ARHGAP5: variants seen among roughly 807,000 people sequenced by gnomAD.
ARHGAP5 encodes Rho GTPase activating protein 5.
A neutral mutation model predicts 116.6 loss-of-function variants in ARHGAP5; 23 were observed. The observed-to-expected ratio is 0.20, with a 90% CI of 0.14 to 0.28. The LOEUF is 0.28. Ranked by LOEUF, ARHGAP5 falls within the 10% of genes least tolerant of loss-of-function variation. The pLI is 1.00. For synonymous variants in ARHGAP5, 574 were observed against 602.0 expected, an observed-to-expected ratio of 0.95 and a Z score of 0.68; for missense variants, 1,405 against 1,774.8, an observed-to-expected ratio of 0.79 and a Z score of 3.74.
chr14:32,147,690 C>G (rs1043877746), intron 4 of ARHGAP5, among the ~76,000 whole-genome samples: 1 of 152,040 alleles, frequency 6.6e-6, no homozygotes, highest in Admixed American at 6.6e-5. Flanking sequence ...GGGGGTACCA[C>G]TCAGGTCTAA....
rs770072111 is a variant in ARHGAP5, at chr14:32,092,807, T to G, written c.2138T>G (p.Ile713Ser). 1 of 1,614,084 alleles carries G rather than the reference T, an allele frequency of 6.2e-7. No individual in the cohort carries two copies. Among genetic ancestry groups the G allele is most frequent in the Admixed American group, 1.7e-5 (1 of 60,010 alleles). Residue 713 changes from isoleucine (I) to serine (S), a missense_variant, in exon 2 of 7, where the codon ATT becomes AGT. Transcript: ENST00000345122. This position sits in a 1 kb window ranked among gnomAD's most constrained non-coding sequence, Gnocchi z 4.1. ...QRDSISKNLPILRHQGQQLAN... is the reference protein window; with the variant it reads ...QRDSISKNLPSLRHQGQQLAN... ...GATTCCATTAGTAAGAATCTACCAA[T>G]TCTCAGGCACCAAGGGCAGCAGTTG...
rs1310161678 is a variant in ARHGAP5 at position 32,093,955 on chromosome 14, G to A, written c.3286G>A (p.Asp1096Asn). 1.2e-6 allele frequency: 2 copies of A among 1,613,908 alleles called. No homozygotes were observed. Among genetic ancestry groups the A allele is most frequent in the Admixed American group, 3.3e-5 (2 of 59,962 alleles). Residue 1096 changes from aspartate (D) to asparagine (N), a missense_variant, in exon 2 of 7, where the codon GAT becomes AAT. By Grantham distance (23) the Asp-to-Asn change is conservative (BLOSUM62 1). Coordinates refer to ENST00000345122, the MANE Select transcript of ARHGAP5 (RefSeq NM_001030055.2). ...DPSDNYAEPI[D>N]TIFKQKGYSD... ...TTCAGATAACTATGCGGAACCCATT[G>A]ATACAATTTTCAAACAGAAGGGCTA... is the stretch of plus-strand genomic sequence containing the variant.
At chr14:32,134,143 A>T (rs1461576182) in intron 3 of ARHGAP5, among the ~76,000 whole-genome samples, 1 of 152,186 alleles carries the variant, frequency 6.6e-6, no homozygotes, top group Non-Finnish European at 1.5e-5. Flanking sequence ...TGGGCTTGTC[A>T]TACTTCTTTA....
chr14:32,081,279 A>G (rs147236060), intron 1 of ARHGAP5, among the ~76,000 whole-genome samples: 1 of 152,358 alleles, frequency 6.6e-6, no homozygotes, highest in African/African-American at 2.4e-5. Context: ...AAAGTTATTT[A>G]GCTAAAGGAA....
In ARHGAP5 at chr14:32,091,480, A is replaced by G. The variant is rs1228327520; in HGVS notation, c.811A>G (p.Thr271Ala). The G allele has an allele frequency of 1.2e-6, 2 of 1,613,102 alleles. No individual in the cohort carries two copies. Among genetic ancestry groups the G allele is most frequent in the African/African-American group, 2.7e-5 (2 of 74,888 alleles). Residue 271 changes from threonine to alanine, a missense_variant, in exon 2 of 7, where the codon ACA becomes GCA. Physicochemically the swap from Thr to Ala is moderately conservative, Grantham distance 58 (BLOSUM62 0). Around this residue, in one of 6 missense-constraint regions of ARHGAP5, gnomAD observed 944 missense variants for 1,095.3 expected, o/e 0.86. Coordinates refer to ENST00000345122, the MANE Select transcript of ARHGAP5 (RefSeq NM_001030055.2). ...TAAAACACAGAGACAACTTGTTGTCACAGCAACAGATAAGTTTGAAAAACT... is the reference window on the plus strand; with the variant it reads ...TAAAACACAGAGACAACTTGTTGTCGCAGCAACAGATAAGTTTGAAAAACT... ...AYKTQRQLVV[T>A]ATDKFEKLVQ...
intron 2 of ARHGAP5, among the ~76,000 whole-genome samples, chr14:32,097,927 G>A (rs893673910): frequency 6.6e-6 from 1 of 152,090 alleles, no homozygotes; most frequent in Non-Finnish European, 1.5e-5. Context: ...CTCTGTATTG[G>A]AAAAGTACAA....
chr14:32,126,409 A>G (rs1009383925), intron 3 of ARHGAP5, among the ~76,000 whole-genome samples: 1 of 152,106 alleles, frequency 6.6e-6, no homozygotes, highest in Non-Finnish European at 1.5e-5. Context: ...TATTACTACA[A>G]TCTCTGCCTT....
At chr14:32,144,194 T>C (rs1881266932) in intron 3 of ARHGAP5, among the ~76,000 whole-genome samples, 1 of 152,154 alleles carries the variant, frequency 6.6e-6, no homozygotes, top group Non-Finnish European at 1.5e-5. Flanking sequence ...AACTGGGATA[T>C]ATAGATATAC....
At chr14:32,120,590 A>C (rs1481429853) in intron 3 of ARHGAP5, among the ~76,000 whole-genome samples, 4 of 151,008 alleles carry the variant, frequency 2.6e-5, no homozygotes, top group Non-Finnish European at 5.9e-5. Flanking sequence ...GTTTAATTCA[A>C]AATACTTTGT....
chr14:32,130,141 A>G (rs1223629017), intron 3 of ARHGAP5, among the ~76,000 whole-genome samples: 1 of 151,454 alleles, frequency 6.6e-6, no homozygotes, highest in Non-Finnish European at 1.5e-5. Context: ...TAAGCAGCTT[A>G]AGTGATCATC....
At position 32,094,053 on chromosome 14, in the gene ARHGAP5, C is replaced by T. The variant is rs747237201; in HGVS notation, c.3384C>T (p.Asn1128=). 1.5e-5 allele frequency: 24 copies of T among 1,613,836 alleles called. 1 individual carries two copies. In the South Asian group the frequency reaches 1.9e-4, roughly 13 times the overall value. Residue 1128 remains asparagine, a synonymous_variant, in exon 2 of 7, where the codon AAC becomes AAT. Coordinates refer to ENST00000345122, the MANE Select transcript of ARHGAP5 (RefSeq NM_001030055.2). The stretch of plus-strand genomic sequence containing the variant: ...AAATTCGAAACTCATTTGTAAATAA[C>T]ACCCAAGGAGATGAAGAAAATGGGT... ...RIKIRNSFVN[N]TQGDEENGFS...
intron 2 of ARHGAP5, among the ~76,000 whole-genome samples, chr14:32,103,559 C>T (rs939089527): frequency 6.6e-6 from 1 of 152,154 alleles, no homozygotes; most frequent in Non-Finnish European, 1.5e-5. Context: ...GTCAAGGAGG[C>T]ACTTCTGTAA....
At chr14:32,125,271 C>T (rs1474634868) in intron 3 of ARHGAP5, among the ~76,000 whole-genome samples, 1 of 152,100 alleles carries the variant, frequency 6.6e-6, no homozygotes, top group Non-Finnish European at 1.5e-5. Flanking sequence ...CAATGTATGA[C>T]CTTTTCTTCT....
intron 3 of ARHGAP5, among the ~76,000 whole-genome samples, chr14:32,135,019 A>G (rs1880712737): frequency 6.6e-6 from 1 of 152,156 alleles, no homozygotes; most frequent in African/African-American, 2.4e-5. Context: ...CATTGTGCCC[A>G]CATACCATTA....
At chr14:32,080,770 G>A (rs2041763961) in intron 1 of ARHGAP5, among the ~76,000 whole-genome samples, 1 of 150,102 alleles carries the variant, frequency 6.7e-6, no homozygotes, top group Non-Finnish European at 1.5e-5. Context: ...AGACCAAAAA[G>A]GATAATTTTT....
At chr14:32,110,189 T>C (rs1448460237) in intron 2 of ARHGAP5, among the ~76,000 whole-genome samples, 1 of 150,460 alleles carries the variant, frequency 6.6e-6, no homozygotes, top group African/African-American at 2.5e-5. Context: ...TGTGTAGAGC[T>C]TAAATTGTAG....
chr14:32,083,300 C>A (rs1211286038), intron 1 of ARHGAP5, among the ~76,000 whole-genome samples: 1 of 152,236 alleles, frequency 6.6e-6, no homozygotes, highest in East Asian at 1.9e-4. Context: ...GTGAAAATTA[C>A]ATGAAATTCA....
chr14:32,128,631 G>A (rs539651952), intron 3 of ARHGAP5, among the ~76,000 whole-genome samples: 8 of 152,338 alleles, frequency 5.3e-5, no homozygotes, highest in African/African-American at 1.4e-4. Flanking sequence ...CTGGCCGCCC[G>A]GCAGGCAGCC....
intron 2 of ARHGAP5, among the ~76,000 whole-genome samples, chr14:32,112,952 C>T (rs982688829): frequency 6.6e-6 from 1 of 152,046 alleles, no homozygotes; most frequent in Admixed American, 6.5e-5. Flanking sequence ...CCATTTCTAA[C>T]TAAAGGTTTA....
Sources: gnomAD v4.1 joint callset for allele counts (sites outside exome capture counted in the v4.1 genomes callset) on GRCh38, gnomAD v4.1.1 for gene constraint, gnomAD v4.1.1 regional missense constraint, Gnocchi (gnomAD v3.1) non-coding constraint, MANE v1.5 for transcripts, NCBI Gene and HGNC (gene_info 2026-07-23, HGNC 2026-07-21) for gene names.